The following LGSN variants were observed in gnomAD, a reference collection of about 807,000 sequenced individuals.
LGSN encodes lengsin.
A neutral mutation model predicts 19.5 loss-of-function variants in LGSN; 21 were observed. The observed-to-expected ratio is 1.07, with a 90% CI of 0.76 to 1.55. The LOEUF (loss-of-function observed/expected upper bound fraction) is 1.55, where lower values mean the gene tolerates loss of function less well. Among genes scored for constraint, LGSN ranks in the 40% most tolerant of loss-of-function variants. The pLI is 0.00. For synonymous variants in LGSN, 257 were observed against 215.6 expected (o/e 1.19, Z -1.68); for missense variants, 673 against 608.5 (o/e 1.11, Z -1.12).
At chr6:63,442,972 G>A in the LGSN span, among the ~76,000 whole-genome samples, 3 of 152,240 alleles carry the variant, frequency 2.0e-5, no homozygotes, top group Non-Finnish European at 4.4e-5. Flanking sequence ...AACCCTTGGC[G>A]ATGGGACCAG....
chr6:63,423,790 C>A, the LGSN span, among the ~76,000 whole-genome samples: 1 of 152,218 alleles, frequency 6.6e-6, no homozygotes, highest in African/African-American at 2.4e-5. Flanking sequence ...ATAATCCCAA[C>A]ACTTTGGGGG....
chr6:63,420,750 A>G, the LGSN span, among the ~76,000 whole-genome samples: 5 of 152,204 alleles, frequency 3.3e-5, no homozygotes, highest in African/African-American at 4.8e-5. Flanking sequence ...CATTCATCAT[A>G]CCAAGAACCA....
chr6:63,535,371 A>G, the LGSN span, among the ~76,000 whole-genome samples: 38 of 152,056 alleles, frequency 2.5e-4, no homozygotes, highest in South Asian at 7.1e-3. Flanking sequence ...TGGGTGCCTG[A>G]GGCACGAGAA....
the LGSN span, among the ~76,000 whole-genome samples, chr6:63,497,376 C>G: frequency 1.3e-5 from 2 of 151,968 alleles, no homozygotes; most frequent in Admixed American, 1.3e-4. Flanking sequence ...TGGTGAAAGC[C>G]CGTCTCTACT....
chr6:63,280,429 T>C lies in LGSN; in HGVS notation c.1122A>G (p.Lys374=). The C allele has an allele frequency of 6.2e-7, 1 of 1,614,226 alleles. No individual in the cohort carries two copies. Among genetic ancestry groups the C allele is most frequent in the Non-Finnish European group, 8.5e-7 (1 of 1,180,042 alleles). Reference sequence around the variant, plus strand: ...TTGTAGGCACACTCTTCTTCAGGTCTTTCCTGTCCTTGGAATAACGCTTTC... The same window carrying C: ...TTGTAGGCACACTCTTCTTCAGGTCCTTCCTGTCCTTGGAATAACGCTTTC... ...SCRKRYSKDR[K]DLKKSVPTTW... is the part of the protein sequence containing the mutation. Residue 374 remains lysine (K), a synonymous_variant, in exon 4 of 4, where the codon AAA becomes AAG. Coordinates refer to ENST00000370657, the MANE Select transcript of LGSN (RefSeq NM_016571.3).
chr6:63,367,210 C>G, the LGSN span, among the ~76,000 whole-genome samples: 4 of 152,162 alleles, frequency 2.6e-5, no homozygotes, highest in Non-Finnish European at 4.4e-5. Flanking sequence ...GGGCTAATAT[C>G]CAGAATCTAC....
At chr6:63,293,781 T>C (rs779814773) in intron 2 of LGSN, 5 of 456,682 alleles carry the variant, frequency 1.1e-5, no homozygotes, top group Middle Eastern at 3.3e-4. Flanking sequence ...CAGATGAGAC[T>C]CAGCAGAGCC....
intron 2 of LGSN, among the ~76,000 whole-genome samples, chr6:63,286,529 A>C (rs1008629917): frequency 6.6e-6 from 1 of 152,222 alleles, no homozygotes; most frequent in African/African-American, 2.4e-5. Flanking sequence ...TTGAGTCCCA[A>C]AGTGGTACAA....
chr6:63,485,993 G>A, the LGSN span, among the ~76,000 whole-genome samples: 1 of 152,220 alleles, frequency 6.6e-6, no homozygotes, highest in Non-Finnish European at 1.5e-5. Context: ...GCCTCCCAAA[G>A]TGCTGGGATT....
the LGSN span, among the ~76,000 whole-genome samples, chr6:63,497,444 G>T: frequency 1.3e-5 from 2 of 152,068 alleles, no homozygotes; most frequent in African/African-American, 4.8e-5. Flanking sequence ...CGCTATTCAG[G>T]AGGCTGAGTG....
the LGSN span, among the ~76,000 whole-genome samples, chr6:63,336,179 G>A: frequency 2.6e-5 from 4 of 152,074 alleles, no homozygotes; most frequent in East Asian, 3.9e-4. Context: ...ACTATACAAC[G>A]CATTTTTTAA....
the LGSN span, among the ~76,000 whole-genome samples, chr6:63,340,615 CT>C: frequency 3.5e-4 from 46 of 132,560 alleles, no homozygotes; most frequent in Admixed American, 6.0e-4. Context: ...TTCTGTTTGG[CT>C]TTTTTTTTTA....
chr6:63,382,003 T>C, the LGSN span, among the ~76,000 whole-genome samples: 1 of 152,310 alleles, frequency 6.6e-6, no homozygotes, highest in African/African-American at 2.4e-5. Context: ...CTGAACCTAC[T>C]AGCACACAAA....
At chr6:63,415,858 T>C in the LGSN span, among the ~76,000 whole-genome samples, 1 of 152,230 alleles carries the variant, frequency 6.6e-6, no homozygotes, top group African/African-American at 2.4e-5. Flanking sequence ...GGTAGCGTTA[T>C]GTGAACTCTC....
the LGSN span, among the ~76,000 whole-genome samples, chr6:63,438,409 G>T: frequency 6.6e-6 from 1 of 152,270 alleles, no homozygotes; most frequent in African/African-American, 2.4e-5. Flanking sequence ...CCATCAGAGT[G>T]AACAGGCAAC....
chr6:63,281,329 AT>A (rs1449339682), intron 3 of LGSN, 109 bp from the exon 4 acceptor site: 23 of 168,412 alleles, frequency 1.4e-4, no homozygotes, highest in African/African-American at 4.9e-4. Flanking sequence ...ATATATATAT[AT>A]AATAAATATA....
chr6:63,283,591 T>C (rs959478265), intron 3 of LGSN, among the ~76,000 whole-genome samples: 12 of 150,676 alleles, frequency 8.0e-5, no homozygotes, highest in African/African-American at 2.9e-4. Flanking sequence ...ACACATGCAA[T>C]GTTTAGGTTA....
At chr6:63,477,649 T>TC in the LGSN span, among the ~76,000 whole-genome samples, 4 of 150,356 alleles carry the variant, frequency 2.7e-5, no homozygotes, top group Non-Finnish European at 5.9e-5. Flanking sequence ...CATCCTTTTT[T>TC]TTTTTCTTTT....
chr6:63,390,685 T>C, the LGSN span, among the ~76,000 whole-genome samples: 1 of 150,092 alleles, frequency 6.7e-6, no homozygotes, highest in Admixed American at 6.6e-5. Context: ...TGAAACCCCG[T>C]CTCTACTAAA....
Sources: allele counts gnomAD v4.1 joint callset (sites outside exome capture counted in the v4.1 genomes callset), GRCh38; gene constraint gnomAD v4.1.1; transcripts MANE v1.5; gene names NCBI Gene and HGNC (gene_info 2026-07-23, HGNC 2026-07-21).